ANKRD11: variants seen among roughly 807,000 people sequenced by gnomAD.
ANKRD11 encodes the protein ankyrin repeat domain 11.
ANKRD11 carries 17 observed loss-of-function variants against 195.7 expected under a neutral mutation model. The observed-to-expected ratio is 0.09, with a 90% confidence interval of 0.06 to 0.13. The LOEUF is 0.13. Among genes scored for constraint, ANKRD11 ranks in the 10% least tolerant of loss-of-function variants. The pLI, the probability that ANKRD11 is intolerant of heterozygous loss-of-function variation, is 1.00. For synonymous variants in ANKRD11, 1,953 were observed against 1,528.1 expected (o/e 1.28, Z -6.49); for missense variants, 3,735 against 3,566.1 (o/e 1.05, Z -1.21).
chr16:89,483,928 G>A (rs2057524605), intron 1 of ANKRD11, among the ~76,000 whole-genome samples: 2 of 152,082 alleles, frequency 1.3e-5, no homozygotes, highest in Non-Finnish European at 2.9e-5. Flanking sequence ...AAATATCTAT[G>A]TATGTAATTT....
intron 2 of ANKRD11, among the ~76,000 whole-genome samples, chr16:89,319,512 G>A (rs1323314102): frequency 6.6e-6 from 1 of 152,228 alleles, no homozygotes; most frequent in East Asian, 1.9e-4. Flanking sequence ...CACGATGACA[G>A]CTAAGACCAT....
chr16:89,318,401 T>G (rs1379224210), intron 2 of ANKRD11, among the ~76,000 whole-genome samples: 1 of 152,186 alleles, frequency 6.6e-6, no homozygotes, highest in Non-Finnish European at 1.5e-5. Context: ...TTAGAAAACA[T>G]TTCATACAAA....
At position 89,301,546 on chromosome 16, in the gene ANKRD11, G is replaced by T. The variant is rs1197310383; in HGVS notation, c.226+3660C>A. On this transcript the variant is annotated intron_variant, in intron 4 of 12. Transcript: ENST00000301030. ...GGGCTCGGTGGGCAGAGCTGTCTTGGGGCCGGGACATGGCAGGTGCCTTCC... is the reference window on the plus strand; with the variant it reads ...GGGCTCGGTGGGCAGAGCTGTCTTGTGGCCGGGACATGGCAGGTGCCTTCC... 7.5e-6 allele frequency: 3 copies of T among 398,740 alleles called. No homozygotes were observed. The East Asian group carries it at 1.1e-4, about 14-fold the overall frequency. 24.7% of individuals were successfully genotyped at this position (398,740 alleles called of 1,614,324 possible).
intron 2 of ANKRD11, among the ~76,000 whole-genome samples, chr16:89,330,232 G>A (rs2037975795): frequency 1.3e-5 from 2 of 152,064 alleles, no homozygotes; most frequent in African/African-American, 4.8e-5. Context: ...TCAGGGGCAG[G>A]ACACAAAGCA....
rs1555545491 is a variant in ANKRD11 at position 89,334,140 on chromosome 16, G to GT, written c.-59-17063dup. Among the ~76,000 whole-genome samples, 44 of 27,420 alleles carry GT rather than the reference G, an allele frequency of 1.6e-3. 2 individuals carry two copies. In the Admixed American group the frequency reaches 0.017, roughly 11 times the overall value. The allele number at this position is 27,420 out of a possible 152,430, so 18.0% of individuals were successfully genotyped here. A position where few individuals can be genotyped will look rare whatever the true frequency, so the allele number is the denominator to read the frequency against. ...CCTGGGTAACATGATGAAACCCTGT[G>GT]TTTTAAAAAAAAAAAAAAAAAAAAA... On this transcript the variant is annotated intron_variant, in intron 2 of 12. Coordinates refer to ENST00000301030, the MANE Select transcript of ANKRD11 (RefSeq NM_013275.6).
At chr16:89,440,726 G>C (rs913003377) in intron 1 of ANKRD11, among the ~76,000 whole-genome samples, 1 of 152,226 alleles carries the variant, frequency 6.6e-6, no homozygotes, top group African/African-American at 2.4e-5. Flanking sequence ...CAGAGCCCTG[G>C]AGAAGCCAGA....
intron 1 of ANKRD11, among the ~76,000 whole-genome samples, chr16:89,428,450 T>C (rs1040669917): frequency 1.3e-5 from 2 of 151,154 alleles, no homozygotes; most frequent in African/African-American, 4.9e-5. Flanking sequence ...GTTGTGAACC[T>C]GGGAGGCGGA....
chr16:89,386,983 G>A (rs1204350680), intron 2 of ANKRD11, among the ~76,000 whole-genome samples: 1 of 151,970 alleles, frequency 6.6e-6, no homozygotes, highest in Non-Finnish European at 1.5e-5. Flanking sequence ...GCCCCACCCT[G>A]GGAGCCCTGT....
At chr16:89,475,097 A>G (rs1311082056) in intron 1 of ANKRD11, among the ~76,000 whole-genome samples, 1 of 152,352 alleles carries the variant, frequency 6.6e-6, no homozygotes, top group East Asian at 1.9e-4. Context: ...TTGTTCAGTC[A>G]GTAATTTTCC....
At chr16:89,368,184 T>A (rs528302277) in intron 2 of ANKRD11, among the ~76,000 whole-genome samples, 8 of 151,848 alleles carry the variant, frequency 5.3e-5, no homozygotes, top group Non-Finnish European at 1.2e-4. Flanking sequence ...CTCTGTCCAC[T>A]CTTAACATGT....
At chr16:89,370,954 G>C (rs1424332648) in intron 2 of ANKRD11, among the ~76,000 whole-genome samples, 1 of 152,034 alleles carries the variant, frequency 6.6e-6, no homozygotes, top group Non-Finnish European at 1.5e-5. Context: ...CAAGCCCTGC[G>C]GACACCACGA....
chr16:89,353,937 G>A lies in ANKRD11; in HGVS notation c.-59-36859C>T, dbSNP rs74354831. Among the ~76,000 whole-genome samples the A allele has an allele frequency of 7.4e-3, 1,127 of 152,330 alleles. 44 individuals carry two copies. Among genetic ancestry groups the A allele is most frequent in the Admixed American group, 0.047 (724 of 15,298 alleles). On this transcript the variant is annotated intron_variant, in intron 2 of 12. Coordinates refer to ENST00000301030, the MANE Select transcript of ANKRD11 (RefSeq NM_013275.6). ...GCATGTCTGCCACAGGGTGAGGGGCGGCGGGCAGAGATGGAGACATAAAGG... is the reference window on the plus strand; with the variant it reads ...GCATGTCTGCCACAGGGTGAGGGGCAGCGGGCAGAGATGGAGACATAAAGG...
At position 89,282,500 on chromosome 16, in the gene ANKRD11, C is replaced by T; in HGVS notation, c.4042G>A (p.Glu1348Lys). The T allele has an allele frequency of 1.2e-6, 2 of 1,614,118 alleles. No individual in the cohort carries two copies. The highest frequency in any genetic ancestry group is 1.7e-6 in the Non-Finnish European group (2 of 1,180,012). ...GAAGATGAGGAGTGTCTGTGCCTCT[C>T]CTTCTCTTTCAGCTTCTCAGGGAGG... ...ACLPEKLKEK[E>K]RHRHSSSSSK... Residue 1348 changes from glutamate (E) to lysine (K), a missense_variant, in exon 9 of 13, where the codon GAG (glutamate) becomes AAG (lysine). Transcript: ENST00000301030.
intron 11 of ANKRD11, 161 bp from the exon 12 acceptor site, chr16:89,271,070 GCGCA>G: frequency 1.4e-6 from 1 of 706,600 alleles, no homozygotes. Context: ...GGCATGGCAG[GCGCA>G]CCCTGCCCAT....
chr16:89,270,250 T>C, intron 12 of ANKRD11: 1 of 204,506 alleles, frequency 4.9e-6, no homozygotes, highest in Non-Finnish European at 1.0e-5. Context: ...TGGGTGGTGC[T>C]GAGCCTGATA....
intron 2 of ANKRD11, among the ~76,000 whole-genome samples, chr16:89,349,830 G>A (rs2039121451): frequency 7.3e-6 from 1 of 136,920 alleles, no homozygotes; most frequent in Non-Finnish European, 1.6e-5. Context: ...ACACTATTAA[G>A]AAATAAAAAT....
intron 1 of ANKRD11, among the ~76,000 whole-genome samples, chr16:89,441,546 T>A (rs1473251406): frequency 6.6e-6 from 1 of 151,838 alleles, no homozygotes; most frequent in Non-Finnish European, 1.5e-5. Context: ...GGCGGGCGGA[T>A]CACGAGGTCA....
chr16:89,379,133 G>C (rs907870534), intron 2 of ANKRD11, among the ~76,000 whole-genome samples: 2 of 152,230 alleles, frequency 1.3e-5, no homozygotes, highest in African/African-American at 2.4e-5. Flanking sequence ...CTGGCTTCTA[G>C]AAGGTGGGGC....
chr16:89,274,632 C>A, intron 11 of ANKRD11, 182 bp downstream of exon 11: 1 of 895,074 alleles, frequency 1.1e-6, no homozygotes, highest in Non-Finnish European at 1.7e-6. Context: ...TCTGCTGCAG[C>A]CTTCTTGGCT....
Sources: gnomAD v4.1 joint callset for allele counts (sites outside exome capture counted in the v4.1 genomes callset) on GRCh38, gnomAD v4.1.1 for gene constraint, MANE v1.5 for transcripts, NCBI Gene and HGNC (gene_info 2026-07-23, HGNC 2026-07-21) for gene names.